The following MACROD2 variants were observed in gnomAD, a reference collection of about 807,000 sequenced individuals.
The protein encoded by MACROD2 is ADP-ribose glycohydrolase MACROD2.
In MACROD2, 36 loss-of-function variants were observed where a neutral mutation model predicts 70.4. The observed-to-expected ratio is 0.51, with a 90% CI of 0.39 to 0.68. The LOEUF is 0.68. MACROD2 is among the 30% of genes least tolerant of loss of function. The pLI, the probability that MACROD2 is intolerant of heterozygous loss-of-function variation, is 0.00. For missense variants in MACROD2, 496 were observed against 538.4 expected, an observed-to-expected ratio of 0.92 and a Z score of 0.78; for synonymous variants, 172 against 178.8, an observed-to-expected ratio of 0.96 and a Z score of 0.30.
intron 4 of MACROD2, among the ~76,000 whole-genome samples, chr20:14,648,650 C>G (rs1053333537): frequency 1.9e-4 from 28 of 145,412 alleles, no homozygotes; most frequent in Non-Finnish European, 3.6e-4. Flanking sequence ...ATCTATCTCA[C>G]ATACTCAGAG....
chr20:15,915,888 T>G (rs2065307263), intron 10 of MACROD2, among the ~76,000 whole-genome samples: 1 of 152,108 alleles, frequency 6.6e-6, no homozygotes, highest in African/African-American at 2.4e-5. Flanking sequence ...TAGGCAATAT[T>G]AGGGTTTCTT....
intron 4 of MACROD2, among the ~76,000 whole-genome samples, chr20:14,604,773 C>T (rs1721840320): frequency 6.6e-6 from 1 of 152,162 alleles, no homozygotes; most frequent in African/African-American, 2.4e-5. Flanking sequence ...TCAGGGAACT[C>T]AGCAAATGGC....
chr20:14,721,993 G>A (rs973325615), intron 5 of MACROD2, among the ~76,000 whole-genome samples: 3 of 152,136 alleles, frequency 2.0e-5, no homozygotes, highest in Admixed American at 2.0e-4. Flanking sequence ...CTGGGGCTCA[G>A]TTCCTGACTC....
intron 5 of MACROD2, among the ~76,000 whole-genome samples, chr20:15,204,605 A>T (rs1337834394): frequency 6.6e-6 from 1 of 152,136 alleles, no homozygotes; most frequent in African/African-American, 2.4e-5. Context: ...TAATTTTAAA[A>T]TGCTCCTGTA....
At chr20:14,850,811 T>A (rs1319540872) in intron 5 of MACROD2, among the ~76,000 whole-genome samples, 1 of 152,158 alleles carries the variant, frequency 6.6e-6, no homozygotes, top group East Asian at 1.9e-4. Flanking sequence ...TTTGAAAATG[T>A]TGATATAAAA....
intron 3 of MACROD2, among the ~76,000 whole-genome samples, chr20:14,148,354 T>A (rs184297951): frequency 5.3e-5 from 8 of 152,326 alleles, no homozygotes; most frequent in Admixed American, 4.6e-4. Context: ...AGAAGATTTT[T>A]GTGATATCTT....
In MACROD2 at chr20:14,907,526, T is replaced by A. The variant is rs570743747; in HGVS notation, c.418+222567T>A. 4.6e-5 allele frequency among the ~76,000 whole-genome samples: 7 copies of A among 152,218 alleles called. No individual in the cohort carries two copies. In the East Asian group the frequency reaches 1.4e-3, roughly 29 times the overall value. ...GGGAGTGATCAGTCTGTCTGTGATG[T>A]CCCGGGGGGAATCAATGAGAAGGCA... On this transcript the variant is annotated intron_variant, in intron 5 of 17. Coordinates refer to ENST00000684519, the MANE Select transcript of MACROD2 (RefSeq NM_001351661.2).
intron 5 of MACROD2, among the ~76,000 whole-genome samples, chr20:15,014,097 G>C (rs992562311): frequency 2.6e-5 from 4 of 152,150 alleles, no homozygotes; most frequent in Non-Finnish European, 4.4e-5. Flanking sequence ...TCATAGTTCT[G>C]CTGTTAACAT....
intron 4 of MACROD2, among the ~76,000 whole-genome samples, chr20:14,563,197 C>T (rs947434999): frequency 2.0e-5 from 3 of 151,784 alleles, no homozygotes; most frequent in Non-Finnish European, 2.9e-5. Context: ...GTATGACTGA[C>T]TGGCAGCATG....
chr20:15,500,866 A>G (rs1219028484), intron 8 of MACROD2, among the ~76,000 whole-genome samples: 3 of 152,214 alleles, frequency 2.0e-5, no homozygotes, highest in Non-Finnish European at 4.4e-5. Flanking sequence ...TTTGAAATGT[A>G]TAAATATGGC....
At chr20:15,604,974 G>A (rs1222056842) in intron 8 of MACROD2, among the ~76,000 whole-genome samples, 3 of 152,168 alleles carry the variant, frequency 2.0e-5, no homozygotes, top group Non-Finnish European at 4.4e-5. Flanking sequence ...TGGAAACAGA[G>A]CTATAAACGG....
At chr20:15,715,081 G>A (rs186322504) in intron 8 of MACROD2, among the ~76,000 whole-genome samples, 1 of 152,020 alleles carries the variant, frequency 6.6e-6, no homozygotes, top group Non-Finnish European at 1.5e-5. Context: ...CAATACCAAG[G>A]GTTCACAGGT....
chr20:15,229,120 A>G (rs1568653735), intron 5 of MACROD2, among the ~76,000 whole-genome samples: 1 of 152,188 alleles, frequency 6.6e-6, no homozygotes, highest in Non-Finnish European at 1.5e-5. Flanking sequence ...GCTCTTTCTT[A>G]AAATGAGGAC....
intron 5 of MACROD2, among the ~76,000 whole-genome samples, chr20:14,976,572 A>G (rs1477032865): frequency 1.3e-5 from 2 of 152,116 alleles, no homozygotes; most frequent in Admixed American, 1.3e-4. Context: ...CCTTTCGCAT[A>G]TAAGGTGACA....
intron 5 of MACROD2, among the ~76,000 whole-genome samples, chr20:14,788,580 CAAAAAA>C (rs11477973): frequency 1.4e-5 from 1 of 73,282 alleles, no homozygotes; most frequent in Admixed American, 1.5e-4. Context: ...GATCACATCT[CAAAAAA>C]AAAAAAAAAA....
At chr20:15,121,757 C>T (rs923501306) in intron 5 of MACROD2, among the ~76,000 whole-genome samples, 1 of 151,902 alleles carries the variant, frequency 6.6e-6, no homozygotes, top group Non-Finnish European at 1.5e-5. Flanking sequence ...AATTTGAAAG[C>T]CAGGAGGAGT....
chr20:15,937,608 T>G, intron 12 of MACROD2, 64 bp downstream of exon 12: 2 of 1,484,150 alleles, frequency 1.3e-6, no homozygotes, highest in Non-Finnish European at 1.9e-6. Context: ...TGGGCTTGTT[T>G]ACATGGAAAA....
intron 8 of MACROD2, among the ~76,000 whole-genome samples, chr20:15,773,771 A>G (rs2051675455): frequency 6.6e-6 from 1 of 152,180 alleles, no homozygotes; most frequent in African/African-American, 2.4e-5. Flanking sequence ...ATGATAAAAA[A>G]TACAAAGTGG....
intron 13 of MACROD2, among the ~76,000 whole-genome samples, chr20:15,979,611 T>C (rs1371996839): frequency 6.6e-6 from 1 of 152,092 alleles, no homozygotes; most frequent in Non-Finnish European, 1.5e-5. Flanking sequence ...CTCTAGAATG[T>C]TTTTTAAAAA....
Sources: gnomAD v4.1 joint callset for allele counts (sites outside exome capture counted in the v4.1 genomes callset) on GRCh38, gnomAD v4.1.1 for gene constraint, MANE v1.5 for transcripts, NCBI Gene and HGNC (gene_info 2026-07-23, HGNC 2026-07-21) for gene names.